Variants in ST6GALNAC3 observed in about 807,000 individuals in gnomAD.
ST6GALNAC3 encodes ST6 N-acetylgalactosaminide alpha-2,6-sialyltransferase 3.
A neutral mutation model predicts 32.7 loss-of-function variants in ST6GALNAC3; 25 were observed. The ratio of observed to expected loss-of-function variants is 0.76; its 90% CI spans 0.56 to 1.07. The LOEUF (loss-of-function observed/expected upper bound fraction) is 1.07. ST6GALNAC3 is among the 50% of genes least tolerant of loss of function. The pLI is 0.00. For synonymous variants in ST6GALNAC3, 129 were observed against 133.1 expected (o/e 0.97, Z 0.21); for missense variants, 355 against 382.4 (o/e 0.93, Z 0.60).
At chr1:76,196,719 G>C (rs1021703853) in intron 1 of ST6GALNAC3, among the ~76,000 whole-genome samples, 1 of 152,110 alleles carries the variant, frequency 6.6e-6, no homozygotes, top group Admixed American at 6.6e-5. Context: ...GCCCACCTCG[G>C]CCTCCCAAAG....
Position 76,521,513 on chromosome 1 carries a change from C to T in ST6GALNAC3, c.624-105939C>T, listed in dbSNP as rs144849028. Among the ~76,000 whole-genome samples, 42 of 152,082 alleles carry T rather than the reference C, an allele frequency of 2.8e-4. 1 individual carries two copies. The highest frequency in any genetic ancestry group is 8.0e-4 in the African/African-American group (33 of 41,492). On this transcript the variant is annotated intron_variant, in intron 3 of 4. Coordinates refer to ENST00000328299, the MANE Select transcript of ST6GALNAC3 (RefSeq NM_152996.4). Reference sequence around the variant, plus strand: ...GGGATTACAGTTGTGAGCCATGGCACCTGGCTTATATTCACTTATGTTTAC... The same window carrying T: ...GGGATTACAGTTGTGAGCCATGGCATCTGGCTTATATTCACTTATGTTTAC...
At chr1:76,591,057 A>T (rs1331807942) in intron 3 of ST6GALNAC3, among the ~76,000 whole-genome samples, 1 of 152,212 alleles carries the variant, frequency 6.6e-6, no homozygotes, top group African/African-American at 2.4e-5. Context: ...AAGATATTTG[A>T]TGCTCTAAGA....
chr1:76,588,016 T>C (rs1430257103), intron 3 of ST6GALNAC3, among the ~76,000 whole-genome samples: 1 of 152,182 alleles, frequency 6.6e-6, no homozygotes, highest in Non-Finnish European at 1.5e-5. Context: ...GAAACAGGGA[T>C]GATGAACATA....
intron 1 of ST6GALNAC3, among the ~76,000 whole-genome samples, chr1:76,170,447 G>T (rs984895752): frequency 1.3e-5 from 2 of 152,194 alleles, no homozygotes; most frequent in African/African-American, 4.8e-5. Flanking sequence ...TGGTCAGCAT[G>T]GGGGAGGACT....
intron 2 of ST6GALNAC3, among the ~76,000 whole-genome samples, chr1:76,373,175 T>G (rs1014469201): frequency 6.6e-6 from 1 of 152,162 alleles, no homozygotes; most frequent in Non-Finnish European, 1.5e-5. Context: ...CTAATGATTA[T>G]GGCTTTGAAG....
chr1:76,083,409 C>A (rs1144344), intron 1 of ST6GALNAC3, among the ~76,000 whole-genome samples: 6,646 of 152,266 alleles, frequency 0.044, 356 homozygotes, highest in African/African-American at 0.11. Flanking sequence ...CTTTGTGAAG[C>A]GTTTGCCTTA....
intron 1 of ST6GALNAC3, among the ~76,000 whole-genome samples, chr1:76,155,833 A>T (rs1049513732): frequency 8.5e-5 from 13 of 152,196 alleles, no homozygotes; most frequent in African/African-American, 2.9e-4. Context: ...TATTAGCATA[A>T]CACATTTGTT....
chr1:76,249,059 G>A (rs1431915325), intron 1 of ST6GALNAC3, among the ~76,000 whole-genome samples: 1 of 152,158 alleles, frequency 6.6e-6, no homozygotes, highest in Non-Finnish European at 1.5e-5. Flanking sequence ...AGAGATTAGG[G>A]TATATAGTCA....
At chr1:76,537,127 TAACA>T (rs1295156650) in intron 3 of ST6GALNAC3, among the ~76,000 whole-genome samples, 5 of 152,140 alleles carry the variant, frequency 3.3e-5, no homozygotes, top group South Asian at 2.1e-4. Flanking sequence ...ACTGAAATTG[TAACA>T]AACAGTCTCT....
chr1:76,305,591 A>G (rs61771475), intron 1 of ST6GALNAC3, among the ~76,000 whole-genome samples: 11,237 of 152,158 alleles, frequency 0.074, 562 homozygotes, highest in Middle Eastern at 0.14. Context: ...GGGAAAGACA[A>G]TATCAAGAGC....
At chr1:76,154,386 C>T (rs1651256868) in intron 1 of ST6GALNAC3, among the ~76,000 whole-genome samples, 1 of 152,158 alleles carries the variant, frequency 6.6e-6, no homozygotes, top group South Asian at 2.1e-4. Context: ...AAGAGCACTG[C>T]ATTTAAGCTG....
intron 2 of ST6GALNAC3, chr1:76,354,347 T>C (rs1210608547): frequency 6.6e-6 from 1 of 152,228 alleles, no homozygotes; most frequent in Non-Finnish European, 1.5e-5. Context: ...AGCTCCTTCT[T>C]TTCTGTTGTC....
chr1:76,125,871 C>T (rs1289847142), intron 1 of ST6GALNAC3, among the ~76,000 whole-genome samples: 1 of 152,198 alleles, frequency 6.6e-6, no homozygotes, highest in Admixed American at 6.5e-5. Context: ...TTCACTGACA[C>T]TCACCACACC....
intron 3 of ST6GALNAC3, among the ~76,000 whole-genome samples, chr1:76,486,400 G>A (rs1660118264): frequency 6.6e-6 from 1 of 152,078 alleles, no homozygotes; most frequent in Admixed American, 6.5e-5. Flanking sequence ...TTATGAATCT[G>A]GGTGCTCCTG....
At chr1:76,444,168 C>A (rs148825226) in intron 3 of ST6GALNAC3, among the ~76,000 whole-genome samples, 1 of 152,196 alleles carries the variant, frequency 6.6e-6, no homozygotes, top group Admixed American at 6.5e-5. Flanking sequence ...AACTGATAGC[C>A]GCTGGCATGG....
chr1:76,464,808 T>C (rs1421927044), intron 3 of ST6GALNAC3, among the ~76,000 whole-genome samples: 1 of 152,154 alleles, frequency 6.6e-6, no homozygotes, highest in African/African-American at 2.4e-5. Context: ...AGTAAAAGAA[T>C]GTAGGTGACT....
At chr1:76,617,377 A>G (rs1051496810) in intron 3 of ST6GALNAC3, among the ~76,000 whole-genome samples, 1 of 151,520 alleles carries the variant, frequency 6.6e-6, no homozygotes, top group Non-Finnish European at 1.5e-5. Context: ...TTTTTAAGTC[A>G]TAGGAAAGTA....
chr1:76,443,070 T>C (rs1227680579), intron 3 of ST6GALNAC3, among the ~76,000 whole-genome samples: 1 of 152,234 alleles, frequency 6.6e-6, no homozygotes. Flanking sequence ...GTCTCCATTT[T>C]TGAAGTCTGG....
intron 3 of ST6GALNAC3, among the ~76,000 whole-genome samples, chr1:76,621,680 AC>A (rs1429705740): frequency 1.3e-5 from 2 of 151,994 alleles, no homozygotes; most frequent in African/African-American, 4.8e-5. Flanking sequence ...CCAAGGTGCT[AC>A]TGATAATCAT....
Sources: gnomAD v4.1 joint callset for allele counts (sites outside exome capture counted in the v4.1 genomes callset) on GRCh38, gnomAD v4.1.1 for gene constraint, MANE v1.5 for transcripts, NCBI Gene and HGNC (gene_info 2026-07-23, HGNC 2026-07-21) for gene names.